Variants in ABCB5 observed in about 807,000 individuals in gnomAD.
The protein encoded by ABCB5 is ATP-binding cassette sub-family B member 5.
ABCB5 carries 155 observed loss-of-function variants against 144.2 expected under a neutral mutation model. The observed-to-expected ratio is 1.08, with a 90% CI of 0.94 to 1.23. The LOEUF (loss-of-function observed/expected upper bound fraction) is 1.23. Among genes scored for constraint, ABCB5 ranks in the 50% most tolerant of loss-of-function variants. The pLI, the probability that ABCB5 is intolerant of heterozygous loss-of-function variation, is 0.00. For missense variants in ABCB5, 1,830 were observed against 1,520.8 expected (o/e 1.20, Z -3.38); for synonymous variants, 610 against 528.6 (o/e 1.15, Z -2.11).
At chr7:20,718,727 A>T in intron 20 of ABCB5, among the ~76,000 whole-genome samples, 1 of 152,186 alleles carries the variant, frequency 6.6e-6, no homozygotes, top group Admixed American at 6.5e-5. Flanking sequence ...CCCATCAAGA[A>T]TGTAAGAGTA....
In ABCB5 at chr7:20,651,801, C is replaced by A; in HGVS notation, c.1536+178C>A. 3 of 603,206 alleles carry A rather than the reference C, an allele frequency of 5.0e-6. No individual in the cohort carries two copies. In the South Asian group the frequency reaches 6.6e-5, roughly 13 times the overall value. The allele number at this position is 603,206 out of a possible 1,614,324, so 37.4% of individuals were successfully genotyped here. A position where few individuals can be genotyped will look rare whatever the true frequency, so the allele number is the denominator to read the frequency against. On this transcript the variant is annotated intron_variant, in intron 13 of 27. Transcript: ENST00000404938. ...AGATGGCTTTGAATGAGGTCCAACA[C>A]AAATTTGTAAACTTTCTTAACACAT...
chr7:20,709,458 A>G (rs1456800502), intron 20 of ABCB5, among the ~76,000 whole-genome samples: 2 of 150,046 alleles, frequency 1.3e-5, no homozygotes. Flanking sequence ...GTGTCATAGC[A>G]TAAAAAACAC....
intron 20 of ABCB5, among the ~76,000 whole-genome samples, chr7:20,714,553 A>G (rs1781608817): frequency 6.6e-6 from 1 of 152,168 alleles, no homozygotes; most frequent in Non-Finnish European, 1.5e-5. Flanking sequence ...TTGGAACAGA[A>G]GAAATATATT....
chr7:20,638,649 C>A (rs2128021489), intron 5 of ABCB5, among the ~76,000 whole-genome samples: 1 of 152,278 alleles, frequency 6.6e-6, no homozygotes, highest in East Asian at 1.9e-4. Context: ...GTTTGGCATA[C>A]TGTTTTTGAG....
chr7:20,698,316 T>C, intron 16 of ABCB5, 91 bp from the exon 17 acceptor site: 2 of 1,137,060 alleles, frequency 1.8e-6, no homozygotes, highest in Non-Finnish European at 2.4e-6. Context: ...TTTGATGTTA[T>C]ACATTATAAT....
chr7:20,662,786 G>A (rs529958411), intron 14 of ABCB5, among the ~76,000 whole-genome samples: 72 of 152,230 alleles, frequency 4.7e-4, no homozygotes, highest in African/African-American at 1.7e-3. Flanking sequence ...CTTCTCCTTT[G>A]ATAGATCAGG....
chr7:20,748,704 T>TA (rs367868478), intron 26 of ABCB5, among the ~76,000 whole-genome samples: 177 of 79,054 alleles, frequency 2.2e-3, no homozygotes, highest in African/African-American at 8.0e-3. Context: ...CTTGAGCAAA[T>TA]AAGTGGAGCC....
intron 25 of ABCB5, among the ~76,000 whole-genome samples, chr7:20,744,762 T>C (rs549141471): frequency 6.6e-6 from 1 of 151,502 alleles, no homozygotes; most frequent in African/African-American, 2.4e-5. Context: ...TAAAGTATAA[T>C]AATAATAAAA....
At chr7:20,653,820 G>A (rs552463465) in intron 13 of ABCB5, among the ~76,000 whole-genome samples, 1 of 152,374 alleles carries the variant, frequency 6.6e-6, no homozygotes, top group South Asian at 2.1e-4. Flanking sequence ...CAGCCATAAA[G>A]CTGCAAGCGG....
At chr7:20,684,798 C>T (rs142582342) in intron 15 of ABCB5, among the ~76,000 whole-genome samples, 2 of 152,282 alleles carry the variant, frequency 1.3e-5, no homozygotes, top group Non-Finnish European at 2.9e-5. Flanking sequence ...ATCAAAGAAT[C>T]ACCGTGTCCC....
chr7:20,739,125 G>A lies in ABCB5; in HGVS notation c.3010G>A (p.Glu1004Lys), dbSNP rs755189969. Residue 1004 changes from glutamate to lysine, a missense_variant, in exon 24 of 28, where the codon GAA becomes AAA. Physicochemically the swap from Glu to Lys is moderately conservative, Grantham distance 56. Coordinates refer to ENST00000404938, the MANE Select transcript of ABCB5 (RefSeq NM_001163941.2). ...KKPNIDSRSQ[E>K]GKKPDTCEGN... is the part of the protein sequence containing the mutation. Reference sequence around the variant, plus strand: ...ACCAAATATAGACAGCCGCAGTCAAGAAGGGAAAAAGCCAGTAAGCACAAC... The same window carrying A: ...ACCAAATATAGACAGCCGCAGTCAAAAAGGGAAAAAGCCAGTAAGCACAAC... 2 of 1,603,122 alleles carry A rather than the reference G, an allele frequency of 1.2e-6. No individual in the cohort carries two copies. The highest frequency in any genetic ancestry group is 8.5e-7 in the Non-Finnish European group (1 of 1,174,822).
At position 20,623,280 on chromosome 7, in the gene ABCB5, A is replaced by T. The variant is rs1583373677; in HGVS notation, c.-6A>T. On this transcript the variant is annotated 5_prime_UTR_variant, in exon 2 of 28. Coordinates refer to ENST00000404938, the MANE Select transcript of ABCB5 (RefSeq NM_001163941.2). Reference sequence around the variant, plus strand: ...TGTATTTCAGAAGAAGTAAATTGTAAATAAGATGGAAAATTCAGAAAGAGC... The same window carrying T: ...TGTATTTCAGAAGAAGTAAATTGTATATAAGATGGAAAATTCAGAAAGAGC... The T allele has an allele frequency of 4.6e-6, 7 of 1,532,126 alleles. No homozygotes were observed. The East Asian group carries it at 7.3e-5, about 16-fold the overall frequency. The allele number at this position is 1,532,126 out of a possible 1,614,324, so 94.9% of individuals were successfully genotyped here.
chr7:20,705,305 T>A (rs1786784957), intron 20 of ABCB5, among the ~76,000 whole-genome samples: 1 of 152,218 alleles, frequency 6.6e-6, no homozygotes, highest in Non-Finnish European at 1.5e-5. Flanking sequence ...GTAATATGCA[T>A]AACCAAGATA....
chr7:20,636,978 A>G (rs1214025999), intron 5 of ABCB5, among the ~76,000 whole-genome samples: 1 of 152,154 alleles, frequency 6.6e-6, no homozygotes, highest in African/African-American at 2.4e-5. Context: ...CATAGGATAC[A>G]TACATGACAA....
intron 14 of ABCB5, among the ~76,000 whole-genome samples, chr7:20,680,995 TTTC>T (rs1375949174): frequency 3.2e-3 from 57 of 17,932 alleles, no homozygotes; most frequent in African/African-American, 0.011. Flanking sequence ...TCTTTCTTTC[TTTC>T]TTTCTTTCTT....
intron 4 of ABCB5, 51 bp from the exon 5 acceptor site, chr7:20,632,008 T>A (rs1784050511): frequency 3.2e-6 from 4 of 1,257,678 alleles, no homozygotes; most frequent in Non-Finnish European, 4.4e-6. Flanking sequence ...TGTAACAGTG[T>A]GACCAATTAT....
At chr7:20,641,970 T>C (rs867172174) in intron 5 of ABCB5, 1 of 152,260 alleles carries the variant, frequency 6.6e-6, no homozygotes, top group Non-Finnish European at 1.5e-5. Context: ...CTAAAATCTA[T>C]CTGCTTCTTT....
intron 14 of ABCB5, among the ~76,000 whole-genome samples, chr7:20,666,438 C>CTA (rs1785197003): frequency 6.6e-6 from 1 of 152,300 alleles, no homozygotes; most frequent in Middle Eastern, 3.4e-3. Context: ...CTGCTGCCCT[C>CTA]TATGTTTACG....
intron 25 of ABCB5, among the ~76,000 whole-genome samples, chr7:20,744,681 G>A (rs533318093): frequency 1.1e-4 from 16 of 152,038 alleles, no homozygotes; most frequent in South Asian, 2.1e-4. Context: ...GTTAATGGGT[G>A]CAGCACACCA....
Sources: allele counts gnomAD v4.1 joint callset (sites outside exome capture counted in the v4.1 genomes callset), GRCh38; gene constraint gnomAD v4.1.1; transcripts MANE v1.5; gene names NCBI Gene and HGNC (gene_info 2026-07-23, HGNC 2026-07-21).